The following SESN2 variants were observed in gnomAD, a reference collection of about 807,000 sequenced individuals.
SESN2 encodes the protein sestrin-2.
In SESN2, 42 loss-of-function variants were observed where a neutral mutation model predicts 56.0. The observed-to-expected ratio is 0.75, with a 90% CI of 0.59 to 0.97. The LOEUF is 0.97. SESN2 is among the 50% of genes least tolerant of loss of function. The pLI, the probability that SESN2 is intolerant of heterozygous loss-of-function variation, is 0.00. For synonymous variants in SESN2, 264 were observed against 267.1 expected (o/e 0.99, Z 0.11); for missense variants, 507 against 649.4 (o/e 0.78, Z 2.38).
At chr1:28,269,558 A>G (rs1212842128) in intron 2 of SESN2, among the ~76,000 whole-genome samples, 10 of 151,978 alleles carry the variant, frequency 6.6e-5, no homozygotes, top group Admixed American at 5.2e-4. Flanking sequence ...AGAACTATCT[A>G]TCTCATCCAT....
At chr1:28,273,211 A>G (rs997482881) in intron 5 of SESN2, 147 bp from the exon 6 acceptor site, 9 of 642,668 alleles carry the variant, frequency 1.4e-5, no homozygotes, top group Middle Eastern at 4.4e-4. Flanking sequence ...CACAGACCCC[A>G]TGTGCTGTCC....
At chr1:28,279,051 T>C (rs1648144512) in intron 8 of SESN2, 46 bp from the exon 9 acceptor site, 1 of 1,607,282 alleles carries the variant, frequency 6.2e-7, no homozygotes, top group East Asian at 2.2e-5. Context: ...GGGAGCTGCC[T>C]TTGGGAAGAA....
At chr1:28,272,216 G>A in intron 3 of SESN2, 68 bp from the exon 4 acceptor site, 1 of 1,535,010 alleles carries the variant, frequency 6.5e-7, no homozygotes, top group Non-Finnish European at 9.0e-7. Flanking sequence ...CTCCCCTGAT[G>A]GGGTACCCAC....
Position 28,259,939 on chromosome 1 carries a change from TA to T in SESN2, c.90+4del. On this transcript the variant is annotated splice_donor_region_variant and intron_variant, in intron 1 of 9. Coordinates refer to ENST00000253063, the MANE Select transcript of SESN2 (RefSeq NM_031459.5). ...GTCGGCGACTCGGGCCCCGGAGAGG[TA>T]AGCGGCGGCCGCGCGACGCCCCTCT... 1 of 1,497,636 alleles carries T rather than the reference TA, an allele frequency of 6.7e-7. No individual in the cohort carries two copies. Among genetic ancestry groups the T allele is most frequent in the Non-Finnish European group, 8.9e-7 (1 of 1,129,506 alleles). 92.8% of individuals were successfully genotyped at this position (1,497,636 alleles called of 1,614,324 possible). A position where few individuals can be genotyped will look rare whatever the true frequency, so the allele number is the denominator to read the frequency against.
intron 1 of SESN2, among the ~76,000 whole-genome samples, chr1:28,262,888 A>C (rs1647430049): frequency 6.6e-6 from 1 of 152,192 alleles, no homozygotes; most frequent in Admixed American, 6.5e-5. Context: ...AGATCGCTTC[A>C]CTGTACTCCA....
chr1:28,266,422 C>T (rs1183367457), intron 1 of SESN2, among the ~76,000 whole-genome samples: 2 of 152,092 alleles, frequency 1.3e-5, no homozygotes, highest in African/African-American at 4.8e-5. Flanking sequence ...CTCATGAAAT[C>T]CTCATCACTG....
At chr1:28,262,165 G>T (rs1647395744) in intron 1 of SESN2, among the ~76,000 whole-genome samples, 1 of 152,140 alleles carries the variant, frequency 6.6e-6, no homozygotes, top group Admixed American at 6.5e-5. Flanking sequence ...ATCCTTAGAA[G>T]ACAGCAGGGT....
chr1:28,274,018 G>A (rs2149039353), intron 6 of SESN2, 22 bp from the exon 7 acceptor site: 9 of 1,498,076 alleles, frequency 6.0e-6, no homozygotes, highest in Non-Finnish European at 8.4e-6. Context: ...CAGCCTCACT[G>A]TGACCTCTTT....
chr1:28,264,279 A>T (rs1249721829), intron 1 of SESN2, among the ~76,000 whole-genome samples: 1 of 152,020 alleles, frequency 6.6e-6, no homozygotes, highest in Non-Finnish European at 1.5e-5. Flanking sequence ...AGATCACGCA[A>T]CTGCACTCCA....
chr1:28,270,618 C>G (rs1647735205), intron 2 of SESN2, among the ~76,000 whole-genome samples: 1 of 151,808 alleles, frequency 6.6e-6, no homozygotes, highest in Admixed American at 6.6e-5. Flanking sequence ...GTTGCCCAGG[C>G]TGGAGTGCAA....
chr1:28,270,698 G>A (rs146862326), intron 2 of SESN2, among the ~76,000 whole-genome samples: 7,365 of 151,976 alleles, frequency 0.048, 246 homozygotes, highest in Admixed American at 0.087. Flanking sequence ...CAAGCCTCCC[G>A]AGTAGCTGGG....
chr1:28,271,738 G>A lies in SESN2; in HGVS notation c.221G>A (p.Gly74Glu). Residue 74 changes from glycine to glutamate, a missense_variant, in exon 3 of 10, where the codon GGG becomes GAG. By Grantham distance (98) the Gly-to-Glu change is moderately conservative. Transcript: ENST00000253063. ...HLGLEALMSS[G>E]RVDNLAVVMG... ...GGGCTGGAGGCACTGATGTCCTCTG[G>A]GCGAGTAGACAACCTGGCAGTGGTG... 5 of 1,614,168 alleles carry A rather than the reference G, an allele frequency of 3.1e-6. No homozygotes were observed. Among genetic ancestry groups the A allele is most frequent in the Non-Finnish European group, 4.2e-6 (5 of 1,180,028 alleles).
Position 28,271,701 on chromosome 1 carries a change from G to A in SESN2, c.184G>A (p.Glu62Lys), listed in dbSNP as rs769648213. 6.2e-6 allele frequency: 10 copies of A among 1,614,108 alleles called. No individual in the cohort carries two copies. Among genetic ancestry groups the A allele is most frequent in the South Asian group, 3.3e-5 (3 of 91,076 alleles). The change falls in exon 3 of 10, where the codon GAG becomes AAG. Residue 62 changes from glutamate to lysine, a missense_variant. Transcript: ENST00000253063. ...EVLREGAESLEQHLGLEALMS... is the reference protein window; with the variant it reads ...EVLREGAESLKQHLGLEALMS... ...CCTTCGGGAGGGGGCTGAGAGCCTC[G>A]AGCAGCACCTGGGGCTGGAGGCACT...
chr1:28,269,152 C>T (rs1647666395), intron 1 of SESN2, 31 bp from the exon 2 acceptor site: 1 of 1,565,464 alleles, frequency 6.4e-7, no homozygotes, highest in African/African-American at 1.4e-5. Flanking sequence ...CTCCCTTCTA[C>T]TACGGACTAA....
rs1346283865 is a variant in SESN2, at chr1:28,273,587, A to T, written c.901+79A>T. ...CTGGTGAGGAGGAGCCACCTCCTGC[A>T]TTCCAGAGGCAGCCACTTCTCAACC... is the stretch of plus-strand genomic sequence containing the variant. On this transcript the variant is annotated intron_variant, in intron 6 of 9. Transcript: ENST00000253063. The T allele has an allele frequency of 4.5e-6, 6 of 1,322,882 alleles. No individual in the cohort carries two copies. In the South Asian group the frequency reaches 9.4e-5, roughly 21 times the overall value. The allele number at this position is 1,322,882 out of a possible 1,614,324, so 81.9% of individuals were successfully genotyped here. A position where few individuals can be genotyped will look rare whatever the true frequency, so the allele number is the denominator to read the frequency against.
In SESN2 at chr1:28,279,142, G is replaced by A. The variant is rs754339826; in HGVS notation, c.1257G>A (p.Arg419=). ...DYGEVNQLLE[R]NLKVYIKTVA... is the part of the protein sequence containing the mutation. The stretch of plus-strand genomic sequence containing the variant: ...GGGAGGTGAACCAGCTCCTGGAGCG[G>A]AACCTCAAGGTCTATATCAAGACAG... Residue 419 remains arginine (R), a synonymous_variant, in exon 9 of 10, where the codon CGG becomes CGA. Coordinates refer to ENST00000253063, the MANE Select transcript of SESN2 (RefSeq NM_031459.5). 113 of 1,613,914 alleles carry A rather than the reference G, an allele frequency of 7.0e-5. No homozygotes were observed. Among genetic ancestry groups the A allele is most frequent in the Admixed American group, 2.7e-4 (16 of 59,992 alleles).
chr1:28,277,685 T>G (rs373076779), intron 8 of SESN2, among the ~76,000 whole-genome samples: 1 of 152,216 alleles, frequency 6.6e-6, no homozygotes, highest in East Asian at 1.9e-4. Context: ...CTTAACAGTT[T>G]ATACCAAACA....
At chr1:28,276,236 TG>T (rs1175112316) in intron 8 of SESN2, among the ~76,000 whole-genome samples, 2 of 152,114 alleles carry the variant, frequency 1.3e-5, no homozygotes, top group Admixed American at 6.6e-5. Context: ...CCCAGCACTT[TG>T]GGAGGCTGAA....
intron 1 of SESN2, 31 bp downstream of exon 1, chr1:28,259,968 C>T: frequency 6.8e-7 from 1 of 1,465,686 alleles, no homozygotes; most frequent in Non-Finnish European, 9.1e-7. Context: ...GCCCCTCTTC[C>T]CTGGAACCCC....
Sources: gnomAD v4.1 joint callset for allele counts (sites outside exome capture counted in the v4.1 genomes callset) on GRCh38, gnomAD v4.1.1 for gene constraint, MANE v1.5 for transcripts, NCBI Gene and HGNC (gene_info 2026-07-23, HGNC 2026-07-21) for gene names.